The following DNAJB4 variants were observed in gnomAD, a reference collection of about 807,000 sequenced individuals.
DNAJB4 encodes the protein dnaJ homolog subfamily B member 4.
A neutral mutation model predicts 26.6 loss-of-function variants in DNAJB4; 10 were observed. The ratio of observed to expected loss-of-function variants is 0.38; its 90% CI spans 0.23 to 0.64. DNAJB4 has a LOEUF of 0.64. Ranked by LOEUF, DNAJB4 falls within the 30% of genes least tolerant of loss-of-function variation. The pLI is 0.58. For synonymous variants in DNAJB4, 136 were observed against 134.8 expected (o/e 1.01, Z -0.06); for missense variants, 328 against 408.2 (o/e 0.80, Z 1.69).
At chr1:77,996,877 T>C (rs986357309) in intron 1 of DNAJB4, among the ~76,000 whole-genome samples, 5 of 152,130 alleles carry the variant, frequency 3.3e-5, no homozygotes, top group African/African-American at 1.2e-4. Context: ...AGGATCTCCC[T>C]CTGTCACCCG....
intron 1 of DNAJB4, among the ~76,000 whole-genome samples, chr1:78,007,189 T>C (rs1033315589): frequency 6.6e-6 from 1 of 152,136 alleles, no homozygotes; most frequent in Non-Finnish European, 1.5e-5. Flanking sequence ...ATAATTGATA[T>C]AAGTGATAGA....
rs1377567917 is a variant in DNAJB4 at position 78,017,497 on chromosome 1, A to G, written c.*1250A>G. ...GGTTATAATAGCCATATTCTTTATT[A>G]CTTTATTGAGATATAATTTACATGC... On this transcript the variant is annotated 3_prime_UTR_variant, in exon 3 of 3. Transcript: ENST00000370763. 1 of 151,982 alleles carries G rather than the reference A, an allele frequency of 6.6e-6. No individual in the cohort carries two copies. The highest frequency in any genetic ancestry group is 1.9e-4 in the East Asian group (1 of 5,196). The allele number at this position is 151,982 out of a possible 1,614,324, so 9.4% of individuals were successfully genotyped here.
intron 1 of DNAJB4, among the ~76,000 whole-genome samples, chr1:77,997,314 C>CAAAAA (rs371562329): frequency 1.5e-5 from 1 of 67,662 alleles, no homozygotes; most frequent in African/African-American, 4.4e-5. Flanking sequence ...CCTGTCTCTA[C>CAAAAA]AAAAAAAAAA....
chr1:78,010,757 T>C (rs1392509236), intron 1 of DNAJB4, among the ~76,000 whole-genome samples: 2 of 152,202 alleles, frequency 1.3e-5, no homozygotes, highest in Non-Finnish European at 2.9e-5. Flanking sequence ...GTTAGTGGCA[T>C]TTTAAATTGT....
At chr1:78,005,889 G>A (rs1033437094) in intron 1 of DNAJB4, among the ~76,000 whole-genome samples, 3 of 152,220 alleles carry the variant, frequency 2.0e-5, no homozygotes, top group African/African-American at 7.2e-5. Flanking sequence ...TTAGCTTCTA[G>A]TTGTTTTTGG....
chr1:77,984,730 T>A (rs1419634147), intron 1 of DNAJB4, among the ~76,000 whole-genome samples: 1 of 152,206 alleles, frequency 6.6e-6, no homozygotes, highest in Non-Finnish European at 1.5e-5. Flanking sequence ...AATATCAAGT[T>A]GAATTCTTTA....
In DNAJB4 at chr1:78,013,284, G is replaced by A; in HGVS notation, c.445G>A (p.Val149Met). The A allele has an allele frequency of 6.2e-7, 1 of 1,614,096 alleles. No individual in the cohort carries two copies. Among genetic ancestry groups the A allele is most frequent in the Non-Finnish European group, 8.5e-7 (1 of 1,179,966 alleles). ...MNGYPRDRNS[V>M]GPSRLKQDPP... ...TGGATATCCAAGAGACAGGAATTCT[G>A]TGGGGCCATCCCGCCTCAAACAAGA... Residue 149 changes from valine (V) to methionine (M), a missense_variant, in exon 2 of 3, where the codon GTG (valine) becomes ATG (methionine). Transcript: ENST00000370763.
At chr1:78,005,400 C>T in intron 1 of DNAJB4, 79 bp downstream of exon 1, 1 of 1,228,358 alleles carries the variant, frequency 8.1e-7, no homozygotes, top group Non-Finnish European at 1.1e-6. Context: ...CAGCCTTTTT[C>T]CCCTCTCTCT....
intron 1 of DNAJB4, among the ~76,000 whole-genome samples, chr1:77,998,307 T>G (rs1660112405): frequency 6.6e-6 from 1 of 152,170 alleles, no homozygotes; most frequent in Non-Finnish European, 1.5e-5. Context: ...TTTAAACAGT[T>G]TGTGTACCCA....
intron 1 of DNAJB4, among the ~76,000 whole-genome samples, chr1:78,007,816 A>G (rs1274107249): frequency 1.3e-5 from 2 of 152,164 alleles, no homozygotes; most frequent in African/African-American, 4.8e-5. Flanking sequence ...TCCAGTAGTA[A>G]CAAAACACTG....
intron 1 of DNAJB4, among the ~76,000 whole-genome samples, chr1:77,982,304 TC>T (rs1429770957): frequency 6.6e-6 from 1 of 152,238 alleles, no homozygotes; most frequent in East Asian, 1.9e-4. Flanking sequence ...CTGTTCTTAT[TC>T]TCCCTTTTTT....
upstream of DNAJB4, among the ~76,000 whole-genome samples, chr1:78,002,704 C>T (rs747006475): frequency 2.0e-5 from 3 of 152,070 alleles, no homozygotes; most frequent in Admixed American, 6.6e-5. Flanking sequence ...TGTATTAATA[C>T]AACAATCACG....
upstream of DNAJB4, among the ~76,000 whole-genome samples, chr1:78,001,121 G>A (rs1035332318): frequency 1.3e-5 from 2 of 152,118 alleles, no homozygotes; most frequent in Admixed American, 6.5e-5. Context: ...AAGGAAGGAG[G>A]ATTGTTTGAG....
At chr1:77,992,412 CAAAAAA>C (rs67649336) in intron 1 of DNAJB4, among the ~76,000 whole-genome samples, 1 of 47,742 alleles carries the variant, frequency 2.1e-5, no homozygotes, top group African/African-American at 8.2e-5. Flanking sequence ...GACTCCGTCT[CAAAAAA>C]AAAAAAAAAA....
intron 1 of DNAJB4, among the ~76,000 whole-genome samples, chr1:77,983,439 C>T (rs967486775): frequency 5.9e-5 from 9 of 152,164 alleles, no homozygotes; most frequent in African/African-American, 1.9e-4. Flanking sequence ...GGCTTGGGGG[C>T]GGTCAGGTCT....
chr1:77,993,082 A>T (rs947928516), intron 1 of DNAJB4, among the ~76,000 whole-genome samples: 1 of 152,218 alleles, frequency 6.6e-6, no homozygotes. Flanking sequence ...ATGCAATAAA[A>T]TTTTATCATG....
chr1:78,005,809 T>C (rs1461193134), intron 1 of DNAJB4, among the ~76,000 whole-genome samples: 1 of 152,204 alleles, frequency 6.6e-6, no homozygotes, highest in African/African-American at 2.4e-5. Flanking sequence ...TTTTTGCCTT[T>C]CTTATAGCAA....
chr1:77,984,878 G>A (rs761806350), intron 1 of DNAJB4, among the ~76,000 whole-genome samples: 1 of 152,098 alleles, frequency 6.6e-6, no homozygotes, highest in Non-Finnish European at 1.5e-5. Flanking sequence ...AGGTAATCTC[G>A]CCCATTTGTT....
intron 1 of DNAJB4, among the ~76,000 whole-genome samples, chr1:77,981,608 A>G (rs768890416): frequency 6.6e-6 from 1 of 152,212 alleles, no homozygotes; most frequent in Non-Finnish European, 1.5e-5. Flanking sequence ...CACCGCGCCC[A>G]GCCACAATAA....
Sources: allele counts gnomAD v4.1 joint callset (sites outside exome capture counted in the v4.1 genomes callset), GRCh38; gene constraint gnomAD v4.1.1; transcripts MANE v1.5; gene names NCBI Gene and HGNC (gene_info 2026-07-23, HGNC 2026-07-21).